The following ADAM10 variants were observed in gnomAD, a reference collection of about 807,000 sequenced individuals.
ADAM10 encodes the protein ADAM metallopeptidase domain 10, also known as disintegrin and metalloproteinase domain-containing protein 10.
ADAM10 carries 17 observed loss-of-function variants against 90.1 expected under a neutral mutation model. The observed-to-expected ratio is 0.19, with a 90% CI of 0.13 to 0.28. ADAM10 has a LOEUF of 0.28. Ranked by LOEUF, ADAM10 falls within the 10% of genes least tolerant of loss-of-function variation. The pLI is 1.00. For synonymous variants in ADAM10, 310 were observed against 298.6 expected (o/e 1.04, Z -0.40); for missense variants, 610 against 914.3 (o/e 0.67, Z 4.29).
At chr15:58,653,324 G>C (rs1464008353) in intron 5 of ADAM10, among the ~76,000 whole-genome samples, 2 of 152,082 alleles carry the variant, frequency 1.3e-5, no homozygotes, top group East Asian at 3.9e-4. Flanking sequence ...TTCAGGTTTT[G>C]CCCATTCAGT....
At chr15:58,670,760 C>A (rs1202875361) in intron 4 of ADAM10, among the ~76,000 whole-genome samples, 2 of 152,080 alleles carry the variant, frequency 1.3e-5, no homozygotes, top group Admixed American at 1.3e-4. Context: ...AATTTACATA[C>A]AAGAATAGCC....
intron 2 of ADAM10, among the ~76,000 whole-genome samples, chr15:58,715,577 T>C (rs531200133): frequency 2.0e-5 from 3 of 152,322 alleles, no homozygotes; most frequent in African/African-American, 4.8e-5. Context: ...ATGTGCCTTA[T>C]ACAATAACAG....
Position 58,595,042 on chromosome 15 carries a change from CT to C in ADAM10, c.*2504del. ...ATGATGGCTCAAAATTTTAAACAAA[CT>C]TATCATTAAACTAGGCTTTTTAAAA... On this transcript the variant is annotated 3_prime_UTR_variant, in exon 16 of 16. Transcript: ENST00000260408. 6.6e-6 allele frequency: 1 copy of C among 152,074 alleles called. No homozygotes were observed. Among genetic ancestry groups the C allele is most frequent in the Non-Finnish European group, 1.5e-5 (1 of 67,928 alleles). 9.4% of individuals were successfully genotyped at this position (152,074 alleles called of 1,614,324 possible). A position where few individuals can be genotyped will look rare whatever the true frequency, so the allele number is the denominator to read the frequency against.
chr15:58,601,497 T>G (rs1381819242), intron 14 of ADAM10, among the ~76,000 whole-genome samples: 5 of 151,978 alleles, frequency 3.3e-5, no homozygotes, highest in African/African-American at 7.3e-5. Context: ...AAGAAAAACT[T>G]TTAAAAATCT....
At position 58,749,695 on chromosome 15, in the gene ADAM10, A is replaced by G; in HGVS notation, c.-161T>C. 2 of 1,431,034 alleles carry G rather than the reference A, an allele frequency of 1.4e-6. No individual in the cohort carries two copies. Among genetic ancestry groups the G allele is most frequent in the South Asian group, 1.5e-5 (1 of 68,886 alleles). The allele number at this position is 1,431,034 out of a possible 1,614,324, so 88.6% of individuals were successfully genotyped here. Reference sequence around the variant, plus strand: ...AAGCACCTCCCTCTCGCTCCACTTCAGGGGCCGGCAACGCTCCTAGCTCCT... The same window carrying G: ...AAGCACCTCCCTCTCGCTCCACTTCGGGGGCCGGCAACGCTCCTAGCTCCT... On this transcript the variant is annotated 5_prime_UTR_variant, in exon 1 of 16. Transcript: ENST00000260408.
intron 2 of ADAM10, among the ~76,000 whole-genome samples, chr15:58,715,333 A>T (rs1898621457): frequency 6.6e-6 from 1 of 151,812 alleles, no homozygotes; most frequent in Non-Finnish European, 1.5e-5. Flanking sequence ...GAGGCAGGAG[A>T]ATCACTTGAA....
chr15:58,604,532 C>T (rs1334940654), intron 14 of ADAM10, among the ~76,000 whole-genome samples: 2 of 152,146 alleles, frequency 1.3e-5, no homozygotes, highest in African/African-American at 4.8e-5. Context: ...ATCCTATTAC[C>T]TCAGTACCTA....
chr15:58,650,780 T>A (rs376895195), intron 5 of ADAM10, among the ~76,000 whole-genome samples: 1 of 152,176 alleles, frequency 6.6e-6, no homozygotes, highest in Non-Finnish European at 1.5e-5. Context: ...CATACACATA[T>A]ATTTTTAAAA....
rs1030035933 is a variant in ADAM10 at position 58,591,746 on chromosome 15, G to C, written c.*5801C>G. On this transcript the variant is annotated 3_prime_UTR_variant, in exon 16 of 16. Coordinates refer to ENST00000260408, the MANE Select transcript of ADAM10 (RefSeq NM_001110.4). Reference sequence around the variant, plus strand: ...ATTTTTAAGCAAAAACTTATACATCGTATCATTTCATTTTTTAAGTGTTTC... The same window carrying C: ...ATTTTTAAGCAAAAACTTATACATCCTATCATTTCATTTTTTAAGTGTTTC... The C allele has an allele frequency of 1.3e-5, 2 of 152,032 alleles. No individual in the cohort carries two copies. The highest frequency in any genetic ancestry group is 4.2e-4 in the South Asian group (2 of 4,812). The allele number at this position is 152,032 out of a possible 1,614,324, so 9.4% of individuals were successfully genotyped here.
intron 4 of ADAM10, among the ~76,000 whole-genome samples, chr15:58,671,260 C>G (rs1442631603): frequency 6.6e-6 from 1 of 152,138 alleles, no homozygotes; most frequent in African/African-American, 2.4e-5. Flanking sequence ...CTTTTATGTT[C>G]AAATATAAAT....
intron 11 of ADAM10, among the ~76,000 whole-genome samples, chr15:58,620,581 TTAAC>T (rs1220062918): frequency 3.3e-5 from 5 of 152,076 alleles, no homozygotes; most frequent in Non-Finnish European, 5.9e-5. Flanking sequence ...GGATTCCACA[TTAAC>T]TAAATATTTA....
At chr15:58,741,159 C>G (rs1018574669) in intron 1 of ADAM10, among the ~76,000 whole-genome samples, 4 of 152,104 alleles carry the variant, frequency 2.6e-5, no homozygotes, top group Admixed American at 6.6e-5. Context: ...CAAGCAAAAA[C>G]AGATGGTAAG....
At chr15:58,644,587 A>T (rs988395654) in intron 6 of ADAM10, among the ~76,000 whole-genome samples, 1 of 152,050 alleles carries the variant, frequency 6.6e-6, no homozygotes, top group Non-Finnish European at 1.5e-5. Context: ...CCAATCCTAC[A>T]ACGTCACACG....
At chr15:58,741,138 C>T (rs1899600144) in intron 1 of ADAM10, among the ~76,000 whole-genome samples, 1 of 152,074 alleles carries the variant, frequency 6.6e-6, no homozygotes, top group African/African-American at 2.4e-5. Flanking sequence ...TGTGTCCTGC[C>T]ATCATCAATA....
At chr15:58,617,479 GT>G (rs1426346790) in intron 11 of ADAM10, among the ~76,000 whole-genome samples, 1 of 151,894 alleles carries the variant, frequency 6.6e-6, no homozygotes, top group Non-Finnish European at 1.5e-5. Flanking sequence ...GGTAAAATAA[GT>G]AAGAAAAAAA....
intron 14 of ADAM10, among the ~76,000 whole-genome samples, chr15:58,605,253 C>T (rs1255314548): frequency 6.6e-6 from 1 of 152,166 alleles, no homozygotes; most frequent in Non-Finnish European, 1.5e-5. Context: ...TCCTGGCTTT[C>T]TTCTAAATTT....
intron 10 of ADAM10, among the ~76,000 whole-genome samples, chr15:58,624,866 G>C (rs144041797): frequency 6.6e-6 from 1 of 152,034 alleles, no homozygotes; most frequent in Non-Finnish European, 1.5e-5. Context: ...AATTATAATA[G>C]GTACACATTT....
rs906301750 is a variant in ADAM10, at chr15:58,592,543, C to A, written c.*5004G>T. On this transcript the variant is annotated 3_prime_UTR_variant, in exon 16 of 16. Coordinates refer to ENST00000260408, the MANE Select transcript of ADAM10 (RefSeq NM_001110.4). ...GTTCTTCTTGTACATTTCTTTCTTA[C>A]AGGTGGAATTAGTGATTTATCCAAA... 7 of 152,198 alleles carry A rather than the reference C, an allele frequency of 4.6e-5. No individual in the cohort carries two copies. Among genetic ancestry groups the A allele is most frequent in the South Asian group, 2.1e-4 (1 of 4,816 alleles). The allele number at this position is 152,198 out of a possible 1,614,324, so 9.4% of individuals were successfully genotyped here.
chr15:58,735,326 C>G (rs1371891800), intron 1 of ADAM10, among the ~76,000 whole-genome samples: 5 of 152,154 alleles, frequency 3.3e-5, no homozygotes, highest in African/African-American at 4.8e-5. Context: ...ATTACCTACG[C>G]AGGACAAAAC....
Sources: allele counts gnomAD v4.1 joint callset (sites outside exome capture counted in the v4.1 genomes callset), GRCh38; gene constraint gnomAD v4.1.1; transcripts MANE v1.5; gene names NCBI Gene and HGNC (gene_info 2026-07-23, HGNC 2026-07-21).